ZNF407: variants seen among roughly 807,000 people sequenced by gnomAD.
ZNF407 encodes the protein zinc finger protein 407.
ZNF407 carries 17 observed loss-of-function variants against 131.2 expected under a neutral mutation model. The ratio of observed to expected loss-of-function variants is 0.13; its 90% CI spans 0.09 to 0.19. The LOEUF is 0.19. Among genes scored for constraint, ZNF407 ranks in the 10% least tolerant of loss-of-function variants. The pLI is 1.00. For missense variants in ZNF407, 2,681 were observed against 2,830.6 expected, an observed-to-expected ratio of 0.95 and a Z score of 1.20; for synonymous variants, 1,156 against 1,062.0, an observed-to-expected ratio of 1.09 and a Z score of -1.72.
intron 4 of ZNF407, among the ~76,000 whole-genome samples, chr18:74,815,393 C>T (rs1970254571): frequency 6.6e-6 from 1 of 152,006 alleles, no homozygotes; most frequent in Non-Finnish European, 1.5e-5. Context: ...CAGTGTCGGC[C>T]CTGGTCCTGG....
At position 74,634,679 on chromosome 18, in the gene ZNF407, G is replaced by A. The variant is rs768043004; in HGVS notation, c.3660G>A (p.Ser1220=). 6 of 1,613,990 alleles carry A rather than the reference G, an allele frequency of 3.7e-6. No homozygotes were observed. The highest frequency in any genetic ancestry group is 5.1e-6 in the Non-Finnish European group (6 of 1,179,892). The change falls in exon 2 of 9, where the codon TCG becomes TCA. Residue 1220 remains serine (S), a synonymous_variant. Coordinates refer to ENST00000299687, the MANE Select transcript of ZNF407 (RefSeq NM_017757.3). The part of the protein sequence containing the change: ...CETAKKNHEI[S]NDAGELRVHC... The stretch of plus-strand genomic sequence containing the variant: ...CAGCAAAGAAAAACCATGAGATATC[G>A]AATGATGCAGGTGAGCTGCGTGTCC...
At chr18:74,792,283 G>C (rs1188148116) in intron 4 of ZNF407, among the ~76,000 whole-genome samples, 1 of 151,814 alleles carries the variant, frequency 6.6e-6, no homozygotes, top group Non-Finnish European at 1.5e-5. Flanking sequence ...AAAGGATTAT[G>C]GGAAACAGCA....
At chr18:74,775,767 C>G (rs914819200) in intron 3 of ZNF407, among the ~76,000 whole-genome samples, 5 of 152,182 alleles carry the variant, frequency 3.3e-5, no homozygotes, top group Non-Finnish European at 5.9e-5. Context: ...AAGCATCGTC[C>G]TGGCAGCTGC....
chr18:74,886,893 T>C (rs1359829086), intron 6 of ZNF407, among the ~76,000 whole-genome samples: 1 of 152,256 alleles, frequency 6.6e-6, no homozygotes, highest in African/African-American at 2.4e-5. Context: ...TTTAAAATGC[T>C]TTATACATTT....
intron 3 of ZNF407, among the ~76,000 whole-genome samples, chr18:74,705,002 C>T (rs1967591489): frequency 6.6e-6 from 1 of 152,146 alleles, no homozygotes; most frequent in South Asian, 2.1e-4. Context: ...TGACCCTTCC[C>T]TAGTTGCATT....
At chr18:74,698,271 A>T (rs1220216012) in intron 3 of ZNF407, among the ~76,000 whole-genome samples, 1 of 152,262 alleles carries the variant, frequency 6.6e-6, no homozygotes, top group Non-Finnish European at 1.5e-5. Context: ...ATTTAGAAAC[A>T]TTCTATCTAG....
chr18:74,918,456 C>G (rs963388866), intron 7 of ZNF407, among the ~76,000 whole-genome samples: 1 of 152,220 alleles, frequency 6.6e-6, no homozygotes, highest in Non-Finnish European at 1.5e-5. Context: ...GTGGAGGTAC[C>G]TGGCATACAT....
chr18:75,022,007 T>G (rs1973116587), intron 8 of ZNF407, among the ~76,000 whole-genome samples: 3 of 151,494 alleles, frequency 2.0e-5, no homozygotes. Context: ...CACTACAAAC[T>G]CAATAAAAAC....
In ZNF407 at chr18:74,924,327, T is replaced by TA. The variant is rs532645751; in HGVS notation, c.5428+3646dup. On this transcript the variant is annotated intron_variant, in intron 8 of 8. Transcript: ENST00000299687. ...AGTTGTATTCTTTTCTGTATATACTTAAAAAAAAAAACACCTTTCTCCACA... is the reference window on the plus strand; with the variant it reads ...AGTTGTATTCTTTTCTGTATATACTTAAAAAAAAAAAACACCTTTCTCCACA... Among the ~76,000 whole-genome samples the TA allele has an allele frequency of 8.9e-3, 1,295 of 145,510 alleles. 9 individuals are homozygous for TA. Among genetic ancestry groups the TA allele is most frequent in the African/African-American group, 0.011 (428 of 39,816 alleles).
chr18:74,949,089 G>A lies in ZNF407; in HGVS notation c.5428+28397G>A, dbSNP rs146021084. On this transcript the variant is annotated intron_variant, in intron 8 of 8. Transcript: ENST00000299687. ...CGCGAAGAAAACTAGAAATGGAATTGTGTGGCTAATAGGGCAAGAAAATTT... is the reference window on the plus strand; with the variant it reads ...CGCGAAGAAAACTAGAAATGGAATTATGTGGCTAATAGGGCAAGAAAATTT... Among the ~76,000 whole-genome samples the A allele has an allele frequency of 4.9e-3, 740 of 152,340 alleles. 4 individuals are homozygous for A. Among genetic ancestry groups the A allele is most frequent in the African/African-American group, 0.017 (697 of 41,580 alleles).
chr18:75,024,253 G>T (rs1599299198), intron 8 of ZNF407, among the ~76,000 whole-genome samples: 1 of 152,160 alleles, frequency 6.6e-6, no homozygotes, highest in East Asian at 1.9e-4. Flanking sequence ...CTGTTCATTT[G>T]TTAAGAGGGA....
At chr18:74,658,061 T>C (rs1018920546) in intron 3 of ZNF407, among the ~76,000 whole-genome samples, 14 of 151,952 alleles carry the variant, frequency 9.2e-5, no homozygotes, top group African/African-American at 3.4e-4. Flanking sequence ...CTATCTTACA[T>C]CCTTCTCCAA....
intron 3 of ZNF407, among the ~76,000 whole-genome samples, chr18:74,749,737 G>A (rs1482099469): frequency 6.6e-6 from 1 of 152,096 alleles, no homozygotes; most frequent in Non-Finnish European, 1.5e-5. Flanking sequence ...GAACATTTTA[G>A]TATACTGTTA....
Position 74,910,842 on chromosome 18 carries a change from C to T in ZNF407, c.5250-9672C>T, listed in dbSNP as rs575073969. ...CCACTTTTAAATTAAACTTAATGAA[C>T]GGGTGGGCTTTCCTGTGACACAGCC... On this transcript the variant is annotated intron_variant, in intron 7 of 8. Coordinates refer to ENST00000299687, the MANE Select transcript of ZNF407 (RefSeq NM_017757.3). Among the ~76,000 whole-genome samples, 28 of 152,158 alleles carry T rather than the reference C, an allele frequency of 1.8e-4. No individual in the cohort carries two copies. In the East Asian group the frequency reaches 5.0e-3, roughly 27 times the overall value.
At chr18:74,952,527 C>T (rs986422353) in intron 8 of ZNF407, among the ~76,000 whole-genome samples, 1 of 152,168 alleles carries the variant, frequency 6.6e-6, no homozygotes. Context: ...AGTAAATAAA[C>T]TAACTACTGT....
At chr18:74,919,673 A>G (rs1379626165) in intron 7 of ZNF407, among the ~76,000 whole-genome samples, 1 of 152,116 alleles carries the variant, frequency 6.6e-6, no homozygotes, top group African/African-American at 2.4e-5. Context: ...ACTGTTCTAA[A>G]AATGACAAAG....
intron 2 of ZNF407, among the ~76,000 whole-genome samples, chr18:74,637,817 T>C (rs1984527985): frequency 6.6e-6 from 1 of 152,236 alleles, no homozygotes; most frequent in Non-Finnish European, 1.5e-5. Flanking sequence ...CTATATGTTT[T>C]ATATAACCTT....
intron 4 of ZNF407, among the ~76,000 whole-genome samples, chr18:74,812,779 C>T (rs1295634033): frequency 6.6e-6 from 1 of 152,158 alleles, no homozygotes; most frequent in African/African-American, 2.4e-5. Flanking sequence ...GTTGTTCCTT[C>T]TCCTTACTCT....
At chr18:75,014,780 G>T (rs1973023893) in intron 8 of ZNF407, among the ~76,000 whole-genome samples, 2 of 151,956 alleles carry the variant, frequency 1.3e-5, no homozygotes, top group African/African-American at 4.8e-5. Context: ...AAAATAATTT[G>T]TATTACTTTT....
Sources: gnomAD v4.1 joint callset for allele counts (sites outside exome capture counted in the v4.1 genomes callset) on GRCh38, gnomAD v4.1.1 for gene constraint, MANE v1.5 for transcripts, NCBI Gene and HGNC (gene_info 2026-07-23, HGNC 2026-07-21) for gene names.